CAMSAP3: variants seen among roughly 807,000 people sequenced by gnomAD.
CAMSAP3 encodes calmodulin-regulated spectrin-associated protein 3.
CAMSAP3 carries 34 observed loss-of-function variants against 112.5 expected under a neutral mutation model. That is an observed-to-expected ratio of 0.30 (90% CI 0.23 to 0.40). The LOEUF (loss-of-function observed/expected upper bound fraction) is 0.40. Ranked by LOEUF, CAMSAP3 falls within the 10% of genes least tolerant of loss-of-function variation. CAMSAP3 has a pLI of 1.00. For missense variants in CAMSAP3, 1,602 were observed against 1,770.3 expected (o/e 0.90, Z 1.71); for synonymous variants, 868 against 799.8 (o/e 1.09, Z -1.44).
In CAMSAP3 at chr19:7,617,634, C is replaced by G; in HGVS notation, c.3417C>G (p.Asn1139Lys). 1 of 1,614,140 alleles carries G rather than the reference C, an allele frequency of 6.2e-7. No individual in the cohort carries two copies. The highest frequency in any genetic ancestry group is 8.5e-7 in the Non-Finnish European group (1 of 1,180,016). ...ACTGCTGCCTGGCGGGCAAGGTGAA[C>G]GAACCGCAGAAGAATCGCATTCTGG... ...LSHCCLAGKV[N>K]EPQKNRILEE... is the part of the protein sequence containing the mutation. The change falls in exon 16 of 17, where the codon AAC becomes AAG. Residue 1139 changes from asparagine to lysine, a missense_variant. Around this residue, in one of 6 missense-constraint regions of CAMSAP3, gnomAD observed 150 missense variants for 207.6 expected, o/e 0.72. Transcript: ENST00000160298. This position sits in a 1 kb window ranked among gnomAD's most constrained non-coding sequence, Gnocchi z 7.5.
At position 7,615,044 on chromosome 19, in the gene CAMSAP3, A is replaced by G. The variant is rs2030703646; in HGVS notation, c.2671-139A>G. ...CTTAGTGTGGGGCTGTGCATACAGT[A>G]GGCACCAACTAAGTGCATTTAGAAC... On this transcript the variant is annotated intron_variant, in intron 11 of 16. Coordinates refer to ENST00000160298, the MANE Select transcript of CAMSAP3 (RefSeq NM_020902.2). The surrounding 1 kb of genome is among the most constrained non-coding windows in gnomAD (Gnocchi z 6.5). 2.0e-6 allele frequency: 2 copies of G among 985,208 alleles called. No individual in the cohort carries two copies. The highest frequency in any genetic ancestry group is 3.1e-6 in the Non-Finnish European group (2 of 644,834). 61.0% of individuals were successfully genotyped at this position (985,208 alleles called of 1,614,324 possible).
chr19:7,607,755 G>A lies in CAMSAP3; in HGVS notation c.622-371G>A. ...TCAGGGCTACCCCCTCCCCCCCAAG[G>A]TGGGCTTGGGGGCCCAGCAGGTCAG... On this transcript the variant is annotated intron_variant, in intron 4 of 16. Coordinates refer to ENST00000160298, the MANE Select transcript of CAMSAP3 (RefSeq NM_020902.2). This position sits in a 1 kb window ranked among gnomAD's most constrained non-coding sequence, Gnocchi z 4.9. The A allele has an allele frequency of 1.7e-6, 1 of 584,698 alleles. No homozygotes were observed. The highest frequency in any genetic ancestry group is 2.4e-5 in the South Asian group (1 of 41,156). The allele number at this position is 584,698 out of a possible 1,614,324, so 36.2% of individuals were successfully genotyped here. A position where few individuals can be genotyped will look rare whatever the true frequency, so the allele number is the denominator to read the frequency against.
intron 4 of CAMSAP3, 21 bp downstream of exon 4, chr19:7,606,592 C>T (rs201731650): frequency 5.3e-6 from 8 of 1,518,808 alleles, no homozygotes; most frequent in African/African-American, 2.7e-5. Flanking sequence ...GGCATAGAAC[C>T]GTCAGAAGGA....
Position 7,615,344 on chromosome 19 carries a change from A to G in CAMSAP3, c.2810+22A>G, listed in dbSNP as rs1232635060. 3 of 1,536,284 alleles carry G rather than the reference A, an allele frequency of 2.0e-6. No homozygotes were observed. The highest frequency in any genetic ancestry group is 4.9e-5 in the East Asian group (2 of 40,568). Reference sequence around the variant, plus strand: ...CGAGGTGAGGCCGGGCCTGCCCGGGACGCCCGCTCCTTGGCCTGTCTGCCA... The same window carrying G: ...CGAGGTGAGGCCGGGCCTGCCCGGGGCGCCCGCTCCTTGGCCTGTCTGCCA... On this transcript the variant is annotated intron_variant, in intron 12 of 16. Transcript: ENST00000160298. This position sits in a 1 kb window ranked among gnomAD's most constrained non-coding sequence, Gnocchi z 6.5.
chr19:7,617,192 C>T lies in CAMSAP3; in HGVS notation c.3213-134C>T, dbSNP rs1003597312. On this transcript the variant is annotated intron_variant, in intron 14 of 16. Transcript: ENST00000160298. The surrounding 1 kb of genome is among the most constrained non-coding windows in gnomAD (Gnocchi z 7.5). ...TTGGCCTCCCGAAGTGCTGGGATTA[C>T]AGGCATGAGCCACGATGCCCAGCCG... The T allele has an allele frequency of 7.6e-5, 53 of 698,292 alleles. No homozygotes were observed. Among genetic ancestry groups the T allele is most frequent in the Admixed American group, 4.1e-4 (19 of 46,234 alleles). The allele number at this position is 698,292 out of a possible 1,614,324, so 43.3% of individuals were successfully genotyped here. A position where few individuals can be genotyped will look rare whatever the true frequency, so the allele number is the denominator to read the frequency against.
chr19:7,611,081 G>A lies in CAMSAP3; in HGVS notation c.1050-14G>A, dbSNP rs201157047. ...GGTGGGGGTCCTGAGGCTGAAGTAC[G>A]TCTCTCCGTACAGTTCTCCTGTCTT... is the stretch of plus-strand genomic sequence containing the variant. On this transcript the variant is annotated splice_polypyrimidine_tract_variant and intron_variant, in intron 8 of 16. Transcript: ENST00000160298. The surrounding 1 kb of genome is among the most constrained non-coding windows in gnomAD (Gnocchi z 6.9). The A allele has an allele frequency of 4.9e-3, 7,927 of 1,613,620 alleles. 36 individuals are homozygous for A. The highest frequency in any genetic ancestry group is 0.011 in the Admixed American group (659 of 60,006).
At chr19:7,609,023 TAAAAAA>T (rs964073039) in intron 5 of CAMSAP3, among the ~76,000 whole-genome samples, 1 of 149,408 alleles carries the variant, frequency 6.7e-6, no homozygotes, top group Non-Finnish European at 1.5e-5. Flanking sequence ...TCTTTTTTAT[TAAAAAA>T]AAAATTATAG....
At position 7,596,051 on chromosome 19, in the gene CAMSAP3, C is replaced by T; in HGVS notation, c.49C>T (p.Leu17=). 2 of 1,266,276 alleles carry T rather than the reference C, an allele frequency of 1.6e-6. No individual in the cohort carries two copies. The highest frequency in any genetic ancestry group is 3.0e-5 in the South Asian group (2 of 67,514). The allele number at this position is 1,266,276 out of a possible 1,614,324, so 78.4% of individuals were successfully genotyped here. A position where few individuals can be genotyped will look rare whatever the true frequency, so the allele number is the denominator to read the frequency against. Reference sequence around the variant, plus strand: ...GCCCGGGCCGCTGCGGAGGACCTTTCTAGTGCCCGAGATCAAGTCGCTGGA... The same window carrying T: ...GCCCGGGCCGCTGCGGAGGACCTTTTTAGTGCCCGAGATCAAGTCGCTGGA... ...PGPGPLRRTF[L]VPEIKSLDQY... The change falls in exon 1 of 17, where the codon CTA becomes TTA. Residue 17 remains leucine, a synonymous_variant. Transcript: ENST00000160298.
chr19:7,595,880 G>T lies in CAMSAP3; in HGVS notation c.-123G>T, dbSNP rs759728892. ...AAGCGGCCGCACCTGGCTCAGCAGCGGCGGCGGCGGCGGCGGCGGCAGCGG... is the reference window on the plus strand; with the variant it reads ...AAGCGGCCGCACCTGGCTCAGCAGCTGCGGCGGCGGCGGCGGCGGCAGCGG... On this transcript the variant is annotated 5_prime_UTR_variant, in exon 1 of 17. Transcript: ENST00000160298. 1.9e-3 allele frequency: 184 copies of T among 98,400 alleles called. No homozygotes were observed. Among genetic ancestry groups the T allele is most frequent in the Non-Finnish European group, 3.3e-3 (159 of 47,588 alleles). 6.1% of individuals were successfully genotyped at this position (98,400 alleles called of 1,614,324 possible). A position where few individuals can be genotyped will look rare whatever the true frequency, so the allele number is the denominator to read the frequency against.
In CAMSAP3 at chr19:7,611,921, T is replaced by A; in HGVS notation, c.1428T>A (p.Asp476Glu). Residue 476 changes from aspartate to glutamate, a missense_variant, in exon 11 of 17, where the codon GAT becomes GAA. Physicochemically the swap from Asp to Glu is conservative, Grantham distance 45. Transcript: ENST00000160298. The surrounding 1 kb of genome is among the most constrained non-coding windows in gnomAD (Gnocchi z 6.9). ...IHSAEPRLLPDGAADGSFYLH... is the reference protein window; with the variant it reads ...IHSAEPRLLPEGAADGSFYLH... The stretch of plus-strand genomic sequence containing the variant: ...GTGCCGAGCCCCGGCTCCTCCCAGA[T>A]GGGGCGGCCGACGGCAGCTTCTACC... 6.3e-7 allele frequency: 1 copy of A among 1,589,120 alleles called. No homozygotes were observed. The highest frequency in any genetic ancestry group is 8.6e-7 in the Non-Finnish European group (1 of 1,165,176).
chr19:7,604,630 C>G (rs546541944), intron 1 of CAMSAP3, among the ~76,000 whole-genome samples: 15 of 151,072 alleles, frequency 9.9e-5, no homozygotes, highest in Admixed American at 7.9e-4. Context: ...CGCCTGTGTG[C>G]CCCCCACTCA....
Position 7,615,178 on chromosome 19 carries a change from C to T in CAMSAP3, c.2671-5C>T. 2.6e-6 allele frequency: 4 copies of T among 1,554,608 alleles called. No homozygotes were observed. Among genetic ancestry groups the T allele is most frequent in the Non-Finnish European group, 3.5e-6 (4 of 1,149,470 alleles). ...TGGCTGGCTGGACTCGGCGTCTGTC[C>T]CCAGGATGAAGACAAGCCTGAGGAC... On this transcript the variant is annotated splice_region_variant and splice_polypyrimidine_tract_variant and intron_variant, in intron 11 of 16. Coordinates refer to ENST00000160298, the MANE Select transcript of CAMSAP3 (RefSeq NM_020902.2). This position sits in a 1 kb window ranked among gnomAD's most constrained non-coding sequence, Gnocchi z 6.5.
chr19:7,610,339 C>T lies in CAMSAP3; in HGVS notation c.761-137C>T. ...TCTCAAAAAAAAAAAAAAAAGAATT[C>T]ACCTCTCGAAGGGCACCTGGCAGAA... On this transcript the variant is annotated intron_variant, in intron 5 of 16. Coordinates refer to ENST00000160298, the MANE Select transcript of CAMSAP3 (RefSeq NM_020902.2). This position sits in a 1 kb window ranked among gnomAD's most constrained non-coding sequence, Gnocchi z 4.9. 1.6e-6 allele frequency: 1 copy of T among 643,348 alleles called. No individual in the cohort carries two copies. Among genetic ancestry groups the T allele is most frequent in the Middle Eastern group, 3.6e-4 (1 of 2,740 alleles). The allele number at this position is 643,348 out of a possible 1,614,324, so 39.9% of individuals were successfully genotyped here.
chr19:7,606,216 C>T (rs2030214010), intron 2 of CAMSAP3, 55 bp from the exon 3 acceptor site: 2 of 1,410,814 alleles, frequency 1.4e-6, no homozygotes, highest in South Asian at 1.1e-5. Flanking sequence ...CCTTGGGGGC[C>T]GAGGTGCGCC....
intron 5 of CAMSAP3, 138 bp downstream of exon 5, chr19:7,608,402 G>T (rs2030322751): frequency 9.8e-7 from 1 of 1,019,288 alleles, no homozygotes; most frequent in Non-Finnish European, 1.4e-6. Context: ...GAACTGGCAG[G>T]CCTGAGTTTG....
intron 1 of CAMSAP3, among the ~76,000 whole-genome samples, chr19:7,602,888 A>G (rs1281407854): frequency 2.6e-5 from 4 of 151,596 alleles, no homozygotes; most frequent in African/African-American, 7.3e-5. Flanking sequence ...GGGAGACCGG[A>G]AGCCATGAGG....
intron 13 of CAMSAP3, chr19:7,616,282 C>G (rs923078076): frequency 4.2e-6 from 2 of 472,750 alleles, no homozygotes; most frequent in Non-Finnish European, 7.8e-6. Flanking sequence ...GGATAGGAAC[C>G]TTTGGGAGTA....
intron 11 of CAMSAP3, 26 bp downstream of exon 11, chr19:7,613,189 G>C: frequency 7.0e-7 from 1 of 1,428,210 alleles, no homozygotes; most frequent in South Asian, 1.4e-5. Context: ...GGTGGCTGGA[G>C]GGTCCTGGGC....
At chr19:7,602,569 G>A (rs369452659) in intron 1 of CAMSAP3, among the ~76,000 whole-genome samples, 1 of 152,080 alleles carries the variant, frequency 6.6e-6, no homozygotes, top group South Asian at 2.1e-4. Flanking sequence ...TGGGGTGAGG[G>A]CGTAAAGAAA....
Sources: allele counts gnomAD v4.1 joint callset (sites outside exome capture counted in the v4.1 genomes callset), GRCh38; gene constraint gnomAD v4.1.1; regional missense constraint gnomAD v4.1.1; non-coding constraint Gnocchi (gnomAD v3.1); transcripts MANE v1.5; gene names NCBI Gene and HGNC (gene_info 2026-07-23, HGNC 2026-07-21).